Variants in DPP10 observed in about 807,000 individuals in gnomAD.
DPP10 encodes the protein inactive dipeptidyl peptidase 10.
In DPP10, 33 loss-of-function variants were observed where a neutral mutation model predicts 120.9. That is an observed-to-expected ratio of 0.27 (90% CI 0.21 to 0.37). DPP10 has a LOEUF of 0.37. Ranked by LOEUF, DPP10 falls within the 10% of genes least tolerant of loss-of-function variation. The pLI is 1.00. For missense variants in DPP10, 816 were observed against 942.8 expected, an observed-to-expected ratio of 0.87 and a Z score of 1.76; for synonymous variants, 337 against 326.1, an observed-to-expected ratio of 1.03 and a Z score of -0.36.
chr2:115,739,539 G>C lies in DPP10; in HGVS notation c.698-200G>C, dbSNP rs193185045. On this transcript the variant is annotated intron_variant, in intron 8 of 25. Coordinates refer to ENST00000410059, the MANE Select transcript of DPP10 (RefSeq NM_020868.6). ...GAAATCCTGACTTAGGTGCTTCATT[G>C]TTTCCTTCCTCTACAGCTGCTTGCT... Among the ~76,000 whole-genome samples the C allele has an allele frequency of 2.4e-4, 36 of 152,184 alleles. No homozygotes were observed. The South Asian group carries it at 6.4e-3, about 27-fold the overall frequency.
At chr2:115,279,917 C>T (rs561831288) in intron 1 of DPP10, among the ~76,000 whole-genome samples, 17 of 152,136 alleles carry the variant, frequency 1.1e-4, no homozygotes, top group Admixed American at 3.3e-4. Context: ...CCACTTTGGC[C>T]TCCCAAATTG....
At chr2:114,554,138 C>T (rs1688100017) in intron 1 of DPP10, among the ~76,000 whole-genome samples, 1 of 152,178 alleles carries the variant, frequency 6.6e-6, no homozygotes, top group South Asian at 2.1e-4. Context: ...CCGGGTTGAT[C>T]TATATCTCTA....
chr2:114,934,830 G>C (rs1235121310), intron 1 of DPP10, among the ~76,000 whole-genome samples: 1 of 152,118 alleles, frequency 6.6e-6, no homozygotes, highest in Non-Finnish European at 1.5e-5. Context: ...GGCTAGAATA[G>C]AAAGTAGTAT....
chr2:115,380,847 A>G (rs954539948), intron 3 of DPP10, among the ~76,000 whole-genome samples: 4 of 152,102 alleles, frequency 2.6e-5, no homozygotes, highest in African/African-American at 4.8e-5. Flanking sequence ...TCTGGGTTGA[A>G]AATTCTTTTC....
At chr2:115,630,666 T>C (rs1049176861) in intron 5 of DPP10, among the ~76,000 whole-genome samples, 1 of 152,210 alleles carries the variant, frequency 6.6e-6, no homozygotes, top group African/African-American at 2.4e-5. Flanking sequence ...GAGAATCATG[T>C]GGTTTTTATA....
Position 115,791,136 on chromosome 2 carries a change from G to A in DPP10, c.1587G>A (p.Lys529=), listed in dbSNP as rs1249104064. The change falls in exon 18 of 26, where the codon AAG becomes AAA. Residue 529 remains lysine, a synonymous_variant. Transcript: ENST00000410059. The part of the protein sequence containing the change: ...SMLKEAILKK[K]IGKPEIKILH... ...TGAAGGAAGCTATCCTGAAGAAGAA[G>A]ATAGGAAAGCCAGAAATTAAAATCC... is the stretch of plus-strand genomic sequence containing the variant. 1.2e-6 allele frequency: 2 copies of A among 1,613,606 alleles called. No individual in the cohort carries two copies. The highest frequency in any genetic ancestry group is 4.5e-5 in the East Asian group (2 of 44,754).
chr2:115,251,059 T>C (rs1367277727), intron 1 of DPP10, among the ~76,000 whole-genome samples: 1 of 152,174 alleles, frequency 6.6e-6, no homozygotes, highest in African/African-American at 2.4e-5. Flanking sequence ...TCTGTTACTG[T>C]GGGAAGTGCA....
intron 3 of DPP10, chr2:115,441,059 G>A (rs2104867555): frequency 6.6e-6 from 1 of 152,266 alleles, no homozygotes; most frequent in East Asian, 1.9e-4. Context: ...GAGAAGCAAG[G>A]CTAGGTGATT....
At chr2:115,144,778 C>A (rs2051130144) in intron 1 of DPP10, 1 of 151,508 alleles carries the variant, frequency 6.6e-6, no homozygotes, top group East Asian at 1.9e-4. Context: ...AACTAACCTG[C>A]ACATTGTGCA....
chr2:114,759,124 C>T (rs751999404), intron 1 of DPP10, among the ~76,000 whole-genome samples: 7 of 152,168 alleles, frequency 4.6e-5, no homozygotes, highest in Non-Finnish European at 8.8e-5. Flanking sequence ...GTCAATCAAA[C>T]TTTAATTACA....
intron 1 of DPP10, among the ~76,000 whole-genome samples, chr2:114,782,472 A>G (rs319847): frequency 0.36 from 54,304 of 151,730 alleles, 10,144 homozygotes; most frequent in South Asian, 0.42. Context: ...TTCTAATTCT[A>G]ATTTATACAA....
intron 16 of DPP10, 74 bp from the exon 17 acceptor site, chr2:115,782,278 T>G: frequency 7.4e-7 from 1 of 1,356,960 alleles, no homozygotes; most frequent in Admixed American, 1.9e-5. Context: ...GGGAAAAAAC[T>G]ATTATGTAAA....
At chr2:114,801,947 C>T (rs1471172486) in intron 1 of DPP10, among the ~76,000 whole-genome samples, 2 of 140,158 alleles carry the variant, frequency 1.4e-5, no homozygotes, top group East Asian at 3.9e-4. Flanking sequence ...CAAATTTCTA[C>T]CTTGCTGTGC....
At position 115,744,219 on chromosome 2, in the gene DPP10, C is replaced by T. The variant is rs569941731; in HGVS notation, c.853-1867C>T. 1.0e-3 allele frequency among the ~76,000 whole-genome samples: 153 copies of T among 150,266 alleles called. 2 individuals are homozygous for T. Among genetic ancestry groups the T allele is most frequent in the African/African-American group, 3.4e-3 (139 of 41,464 alleles). On this transcript the variant is annotated intron_variant, in intron 9 of 25. Coordinates refer to ENST00000410059, the MANE Select transcript of DPP10 (RefSeq NM_020868.6). The stretch of plus-strand genomic sequence containing the variant: ...TTCCAGGAGATGCTGATTGATGCTA[C>T]GGTCCAAGAACAACACTTTGAATGG...
In DPP10 at chr2:115,366,314, G is replaced by T. The variant is rs537382104; in HGVS notation, c.271+22402G>T. Among the ~76,000 whole-genome samples the T allele has an allele frequency of 5.9e-5, 9 of 151,796 alleles. No individual in the cohort carries two copies. In the East Asian group the frequency reaches 1.6e-3, roughly 26 times the overall value. ...CTTACATTACTTATATCATTTTCTT[G>T]TGTATAGGAACAATTCTACTCATTA... is the stretch of plus-strand genomic sequence containing the variant. On this transcript the variant is annotated intron_variant, in intron 3 of 25. Transcript: ENST00000410059.
rs146776934 is a variant in DPP10 at position 114,836,498 on chromosome 2, C to T, written c.60+393660C>T. Among the ~76,000 whole-genome samples the T allele has an allele frequency of 2.3e-3, 353 of 152,140 alleles. 3 individuals are homozygous for T. Among genetic ancestry groups the T allele is most frequent in the African/African-American group, 8.1e-3 (337 of 41,526 alleles). ...TGATTTTCAAAGGGGAGGGAGTGTA[C>T]GAATAGCGTGTGGGTCACAAGAGAT... On this transcript the variant is annotated intron_variant, in intron 1 of 25. Transcript: ENST00000410059.
At chr2:115,804,598 G>A (rs936989890) in intron 19 of DPP10, among the ~76,000 whole-genome samples, 3 of 152,202 alleles carry the variant, frequency 2.0e-5, no homozygotes, top group African/African-American at 7.2e-5. Flanking sequence ...GTGATGTACA[G>A]ATGGGTTTTT....
intron 1 of DPP10, among the ~76,000 whole-genome samples, chr2:114,755,353 G>A (rs2106068748): frequency 6.6e-6 from 1 of 152,240 alleles, no homozygotes; most frequent in African/African-American, 2.4e-5. Context: ...GAGTGCAATG[G>A]CACAATCATG....
At chr2:115,262,158 A>T (rs896379630) in intron 1 of DPP10, among the ~76,000 whole-genome samples, 4 of 152,170 alleles carry the variant, frequency 2.6e-5, no homozygotes, top group Non-Finnish European at 4.4e-5. Context: ...GTCTTTTAAT[A>T]GGAAGAGGGC....
Sources: allele counts gnomAD v4.1 joint callset (sites outside exome capture counted in the v4.1 genomes callset), GRCh38; gene constraint gnomAD v4.1.1; transcripts MANE v1.5; gene names NCBI Gene and HGNC (gene_info 2026-07-23, HGNC 2026-07-21).